CINP: variants seen among roughly 807,000 people sequenced by gnomAD.
The protein encoded by CINP is cyclin-dependent kinase 2-interacting protein.
A neutral mutation model predicts 20.5 loss-of-function variants in CINP; 11 were observed. That is an observed-to-expected ratio of 0.54 (90% CI 0.34 to 0.89). The LOEUF (loss-of-function observed/expected upper bound fraction) is 0.89, where lower values mean the gene tolerates loss of function less well. Among genes scored for constraint, CINP ranks in the 40% least tolerant of loss-of-function variants. The pLI, the probability that CINP is intolerant of heterozygous loss-of-function variation, is 0.02. For missense variants in CINP, 213 were observed against 251.0 expected (o/e 0.85, Z 1.02); for synonymous variants, 108 against 102.1 (o/e 1.06, Z -0.35).
At chr14:102,354,305 C>T (rs1000006467) in intron 3 of CINP, among the ~76,000 whole-genome samples, 8 of 152,196 alleles carry the variant, frequency 5.3e-5, no homozygotes, top group African/African-American at 1.9e-4. Flanking sequence ...GGCAAACTAT[C>T]CCTGGAACAC....
intron 3 of CINP, among the ~76,000 whole-genome samples, chr14:102,354,066 G>A (rs1886937770): frequency 6.6e-6 from 1 of 152,186 alleles, no homozygotes; most frequent in African/African-American, 2.4e-5. Context: ...TCCACAGCGA[G>A]ACCTTGTCTC....
chr14:102,358,077 G>A (rs1887038725), intron 2 of CINP, among the ~76,000 whole-genome samples: 1 of 152,178 alleles, frequency 6.6e-6, no homozygotes, highest in African/African-American at 2.4e-5. Context: ...GAAAAAGCAA[G>A]AGAACCAGAA....
chr14:102,359,390 T>TA (rs370196468), intron 2 of CINP, 29 bp downstream of exon 2: 4 of 1,521,210 alleles, frequency 2.6e-6, no homozygotes, highest in South Asian at 2.6e-5. Flanking sequence ...GTGAAAAACT[T>TA]AGAGCATGAA....
rs1021395148 is a variant in CINP, at chr14:102,362,786, G to T, written c.7+59C>A. Reference sequence around the variant, plus strand: ...CTCCTGAGCTTCTGGTCCAACCTGCGGCCTAAGCAGTAACATTCACAGCCA... The same window carrying T: ...CTCCTGAGCTTCTGGTCCAACCTGCTGCCTAAGCAGTAACATTCACAGCCA... On this transcript the variant is annotated intron_variant, in intron 1 of 4. Transcript: ENST00000216756. 6 of 1,608,264 alleles carry T rather than the reference G, an allele frequency of 3.7e-6. No homozygotes were observed. The African/African-American group carries it at 5.3e-5, about 14-fold the overall frequency.
At chr14:102,352,469 T>C (rs2139627686) in intron 3 of CINP, 1 of 455,244 alleles carries the variant, frequency 2.2e-6, no homozygotes, top group South Asian at 1.6e-5. Context: ...CACAGTGAAA[T>C]GTTAGCCCAG....
Position 102,351,452 on chromosome 14 carries a change from A to G in CINP, c.307-1404T>C, listed in dbSNP as rs1886871036. On this transcript the variant is annotated intron_variant, in intron 3 of 4. Coordinates refer to ENST00000216756, the MANE Select transcript of CINP (RefSeq NM_032630.3). The surrounding 1 kb of genome is among the most constrained non-coding windows in gnomAD (Gnocchi z 4.2). ...TTGTGAAGCACCTACTTGGAGATATATAAGGGTTGGATAAAGAAAATTAAT... is the reference window on the plus strand; with the variant it reads ...TTGTGAAGCACCTACTTGGAGATATGTAAGGGTTGGATAAAGAAAATTAAT... 1.3e-5 allele frequency among the ~76,000 whole-genome samples: 2 copies of G among 152,212 alleles called. No homozygotes were observed. Among genetic ancestry groups the G allele is most frequent in the Non-Finnish European group, 2.9e-5 (2 of 68,048 alleles).
chr14:102,357,215 A>G (rs1055196831), intron 2 of CINP, among the ~76,000 whole-genome samples: 5 of 152,004 alleles, frequency 3.3e-5, no homozygotes, highest in African/African-American at 9.7e-5. Context: ...CTCCGTCTCT[A>G]CTAAAATACA....
intron 3 of CINP, 86 bp downstream of exon 3, chr14:102,355,682 T>C: frequency 6.8e-7 from 1 of 1,470,740 alleles, no homozygotes; most frequent in Middle Eastern, 1.8e-4. Context: ...AAGGAGTAAG[T>C]GATGGCCAAT....
At chr14:102,360,011 T>C (rs1421733998) in intron 1 of CINP, among the ~76,000 whole-genome samples, 1 of 152,016 alleles carries the variant, frequency 6.6e-6, no homozygotes, top group Non-Finnish European at 1.5e-5. Context: ...TTGCTCAGAG[T>C]AGCGTGGCCC....
chr14:102,353,268 T>C (rs147728122), intron 3 of CINP, among the ~76,000 whole-genome samples: 22 of 152,290 alleles, frequency 1.4e-4, no homozygotes, highest in Non-Finnish European at 2.9e-4. Context: ...GTGTGGGCTA[T>C]GCATAGTGAC....
Position 102,351,363 on chromosome 14 carries a change from C to T in CINP, c.307-1315G>A, listed in dbSNP as rs1886869742. ...ACCCCACTGCACACACCAGGCAGCA[C>T]AGAATAGGGGCAATGGCGGGCTTAC... On this transcript the variant is annotated intron_variant, in intron 3 of 4. Transcript: ENST00000216756. The surrounding 1 kb of genome is among the most constrained non-coding windows in gnomAD (Gnocchi z 4.2). Among the ~76,000 whole-genome samples the T allele has an allele frequency of 6.6e-6, 1 of 152,114 alleles. No individual in the cohort carries two copies. Among genetic ancestry groups the T allele is most frequent in the Non-Finnish European group, 1.5e-5 (1 of 68,040 alleles).
chr14:102,358,894 C>T (rs960291868), intron 2 of CINP, among the ~76,000 whole-genome samples: 11 of 151,984 alleles, frequency 7.2e-5, no homozygotes, highest in Non-Finnish European at 1.6e-4. Flanking sequence ...CTATGAACTA[C>T]AAAAGAATCA....
At chr14:102,353,989 T>C (rs1328342144) in intron 3 of CINP, among the ~76,000 whole-genome samples, 1 of 152,182 alleles carries the variant, frequency 6.6e-6, no homozygotes, top group Non-Finnish European at 1.5e-5. Context: ...CTCGGGAGGC[T>C]GAGGCAAGAA....
chr14:102,362,588 A>G (rs1272977801), intron 1 of CINP: 1 of 706,444 alleles, frequency 1.4e-6, no homozygotes, highest in Non-Finnish European at 2.6e-6. Context: ...TGGATGTCGG[A>G]TCTGCTGACA....
Position 102,348,474 on chromosome 14 carries a change from C to G in CINP, c.*83G>C. 7.7e-7 allele frequency: 1 copy of G among 1,298,404 alleles called. No individual in the cohort carries two copies. 80.4% of individuals were successfully genotyped at this position (1,298,404 alleles called of 1,614,324 possible). Reference sequence around the variant, plus strand: ...CAAGGTCTGATCCTGGGGTCTGATCCAGGCCTGCGGCACTGGGTCCTAGGC... The same window carrying G: ...CAAGGTCTGATCCTGGGGTCTGATCGAGGCCTGCGGCACTGGGTCCTAGGC... On this transcript the variant is annotated 3_prime_UTR_variant, in exon 5 of 5. Coordinates refer to ENST00000216756, the MANE Select transcript of CINP (RefSeq NM_032630.3).
At chr14:102,360,792 A>C (rs1887122791) in intron 1 of CINP, among the ~76,000 whole-genome samples, 1 of 152,112 alleles carries the variant, frequency 6.6e-6, no homozygotes, top group Non-Finnish European at 1.5e-5. Context: ...TGTGCATCAG[A>C]GCTGGCTCTG....
At chr14:102,362,511 G>T in intron 1 of CINP, 1 of 700,162 alleles carries the variant, frequency 1.4e-6, no homozygotes, top group South Asian at 1.5e-5. Context: ...TGGACGAGAT[G>T]AGCATGCAAG....
chr14:102,359,315 A>C, intron 2 of CINP, 104 bp downstream of exon 2: 1 of 701,806 alleles, frequency 1.4e-6, no homozygotes. Flanking sequence ...TCATCTTACC[A>C]CTTGCTTTTT....
Position 102,354,619 on chromosome 14 carries a change from T to C in CINP, c.306+1149A>G, listed in dbSNP as rs957492539. Among the ~76,000 whole-genome samples the C allele has an allele frequency of 2.7e-4, 41 of 151,042 alleles. 1 individual carries two copies. Among genetic ancestry groups the C allele is most frequent in the Non-Finnish European group, 1.0e-4 (7 of 67,874 alleles). On this transcript the variant is annotated intron_variant, in intron 3 of 4. Coordinates refer to ENST00000216756, the MANE Select transcript of CINP (RefSeq NM_032630.3). ...TAAAAATACAACAATTAGCTGGGCA[T>C]GGTGGCGCACACCTGCGATCCCAGC...
Sources: gnomAD v4.1 joint callset for allele counts (sites outside exome capture counted in the v4.1 genomes callset) on GRCh38, gnomAD v4.1.1 for gene constraint, Gnocchi (gnomAD v3.1) non-coding constraint, MANE v1.5 for transcripts, NCBI Gene and HGNC (gene_info 2026-07-23, HGNC 2026-07-21) for gene names.